Variants in RBM5 observed in about 807,000 individuals in gnomAD.
RBM5 encodes RNA-binding protein 5.
A neutral mutation model predicts 124.6 loss-of-function variants in RBM5; 15 were observed. That is an observed-to-expected ratio of 0.12 (90% CI 0.08 to 0.19). RBM5 has a LOEUF of 0.19. Among genes scored for constraint, RBM5 ranks in the 10% least tolerant of loss-of-function variants. RBM5 has a pLI of 1.00. For missense variants in RBM5, 580 were observed against 1,026.5 expected (o/e 0.57, Z 5.94); for synonymous variants, 337 against 361.2 (o/e 0.93, Z 0.76).
At position 50,106,330 on chromosome 3, in the gene RBM5, T is replaced by C. The variant is rs1256551602; in HGVS notation, c.856-437T>C. Among the ~76,000 whole-genome samples, 9 of 151,906 alleles carry C rather than the reference T, an allele frequency of 5.9e-5. 1 individual carries two copies. The highest frequency in any genetic ancestry group is 4.6e-4 in the Admixed American group (7 of 15,238). ...TAATTTTTTGTATTTTTAGTAGAGATGGGGTTTCACTGTGTTAGCCAGGAT... is the reference window on the plus strand; with the variant it reads ...TAATTTTTTGTATTTTTAGTAGAGACGGGGTTTCACTGTGTTAGCCAGGAT... On this transcript the variant is annotated intron_variant, in intron 10 of 24. Transcript: ENST00000347869.
intron 4 of RBM5, among the ~76,000 whole-genome samples, chr3:50,097,177 C>T (rs976940549): frequency 2.6e-5 from 4 of 152,104 alleles, no homozygotes; most frequent in Non-Finnish European, 5.9e-5. Context: ...AGGCGGATCA[C>T]AAGGTCAGGA....
intron 4 of RBM5, among the ~76,000 whole-genome samples, chr3:50,096,672 C>T (rs1575305262): frequency 6.9e-4 from 1 of 1,458 alleles, no homozygotes; most frequent in African/African-American, 3.0e-3. Context: ...TCACAGCAGC[C>T]TCCAACTTTT....
intron 3 of RBM5, among the ~76,000 whole-genome samples, chr3:50,093,339 T>C (rs773421580): frequency 3.3e-5 from 5 of 150,370 alleles, no homozygotes; most frequent in Non-Finnish European, 7.4e-5. Flanking sequence ...CTCGGGAGGC[T>C]GAAGGAGGAG....
intron 3 of RBM5, among the ~76,000 whole-genome samples, chr3:50,093,337 G>A (rs1378998680): frequency 6.6e-6 from 1 of 151,792 alleles, no homozygotes; most frequent in African/African-American, 2.4e-5. Flanking sequence ...TACTCGGGAG[G>A]CTGAAGGAGG....
Position 50,113,366 on chromosome 3 carries a change from TG to T in RBM5, c.1456-16del, listed in dbSNP as rs758097657. Reference sequence around the variant, plus strand: ...CAGAAAGTCTGCATTAATTGTTTTTTGTTTGTTGTTTTCTAGTACTACTATA... The same window carrying T: ...CAGAAAGTCTGCATTAATTGTTTTTTTTTGTTGTTTTCTAGTACTACTATA... On this transcript the variant is annotated splice_polypyrimidine_tract_variant and intron_variant, in intron 17 of 24. Transcript: ENST00000347869. 10 of 1,596,472 alleles carry T rather than the reference TG, an allele frequency of 6.3e-6. No homozygotes were observed. Among genetic ancestry groups the T allele is most frequent in the Non-Finnish European group, 8.5e-6 (10 of 1,173,706 alleles).
chr3:50,115,851 A>G (rs1164432337), intron 21 of RBM5, 55 bp from the exon 22 acceptor site: 1 of 1,488,178 alleles, frequency 6.7e-7, no homozygotes, highest in Non-Finnish European at 9.4e-7. Context: ...ATGTTAGGAC[A>G]TTTCAAATTA....
Position 50,100,021 on chromosome 3 carries a change from G to A in RBM5, c.379G>A (p.Ala127Thr). The change falls in exon 5 of 25, where the codon GCG (alanine) becomes ACG (threonine). Residue 127 changes from alanine (A) to threonine (T), a missense_variant. Around this residue, in one of 6 missense-constraint regions of RBM5, gnomAD observed 101 missense variants for 223.2 expected, o/e 0.45. Coordinates refer to ENST00000347869, the MANE Select transcript of RBM5 (RefSeq NM_005778.4). The surrounding 1 kb of genome is among the most constrained non-coding windows in gnomAD (Gnocchi z 5.1). Reference sequence around the variant, plus strand: ...GGAGTCCTTCGAAGGCCCTCAGCCTGCGGATGTGAGGCTGATGAAGAGGAA... The same window carrying A: ...GGAGTCCTTCGAAGGCCCTCAGCCTACGGATGTGAGGCTGATGAAGAGGAA... ...MMESFEGPQP[A>T]DVRLMKRKTG... is the part of the protein sequence containing the mutation. 2 of 1,613,982 alleles carry A rather than the reference G, an allele frequency of 1.2e-6. No individual in the cohort carries two copies. Among genetic ancestry groups the A allele is most frequent in the Non-Finnish European group, 1.7e-6 (2 of 1,179,988 alleles).
chr3:50,096,648 C>T (rs1036159348), intron 4 of RBM5, among the ~76,000 whole-genome samples: 1 of 137,544 alleles, frequency 7.3e-6, no homozygotes, highest in Non-Finnish European at 1.6e-5. Context: ...GGAGTGCAAT[C>T]GCGTGATTGT....
chr3:50,103,517 C>T (rs988616893), intron 7 of RBM5, among the ~76,000 whole-genome samples: 11 of 151,990 alleles, frequency 7.2e-5, no homozygotes, highest in Non-Finnish European at 1.2e-4. Flanking sequence ...CATCACGGTG[C>T]GCGCCTGTAA....
intron 18 of RBM5, 94 bp downstream of exon 18, chr3:50,113,638 T>C (rs967955173): frequency 5.5e-5 from 75 of 1,351,710 alleles, no homozygotes; most frequent in Non-Finnish European, 6.9e-5. Flanking sequence ...TTTGGATTCT[T>C]AAAAATTGGG....
rs2091275416 is a variant in RBM5 at position 50,117,436 on chromosome 3, T to C, written c.2322+57T>C. The C allele has an allele frequency of 1.9e-6, 3 of 1,605,902 alleles. No homozygotes were observed. Among genetic ancestry groups the C allele is most frequent in the Non-Finnish European group, 2.6e-6 (3 of 1,176,022 alleles). ...CAGGCTTACAGGCCGGTTCCAGAGA[T>C]GAGATCAGAGCACTCATAGAGCCTG... is the stretch of plus-strand genomic sequence containing the variant. On this transcript the variant is annotated intron_variant, in intron 24 of 24. Transcript: ENST00000347869. This position sits in a 1 kb window ranked among gnomAD's most constrained non-coding sequence, Gnocchi z 4.2.
intron 20 of RBM5, chr3:50,114,516 G>T: frequency 2.3e-6 from 1 of 428,740 alleles, no homozygotes; most frequent in Non-Finnish European, 4.1e-6. Context: ...GAGTTTTAAT[G>T]GTCTGGAAAG....
chr3:50,092,943 CTTTTTTTTTT>C (rs530934301), intron 3 of RBM5: 541 of 79,108 alleles, frequency 6.8e-3, no homozygotes, highest in African/African-American at 0.018. Flanking sequence ...CTTGATATAT[CTTTTTTTTTT>C]TTTTTTTTTT....
chr3:50,110,979 A>C (rs922016230), intron 17 of RBM5: 3 of 539,560 alleles, frequency 5.6e-6, no homozygotes, highest in African/African-American at 1.9e-5. Context: ...TATACACACA[A>C]AAAAATACAC....
chr3:50,106,942 G>C, intron 11 of RBM5, 78 bp downstream of exon 11: 1 of 1,209,066 alleles, frequency 8.3e-7, no homozygotes, highest in South Asian at 1.2e-5. Context: ...CGCCAAGCCT[G>C]TGCCCCAAGT....
At position 50,093,572 on chromosome 3, in the gene RBM5, TC is replaced by T. The variant is rs1360808434; in HGVS notation, c.184-147del. 19 of 750,442 alleles carry T rather than the reference TC, an allele frequency of 2.5e-5. No individual in the cohort carries two copies. The Admixed American group carries it at 5.2e-4, about 21-fold the overall frequency. 46.5% of individuals were successfully genotyped at this position (750,442 alleles called of 1,614,324 possible). A position where few individuals can be genotyped will look rare whatever the true frequency, so the allele number is the denominator to read the frequency against. Reference sequence around the variant, plus strand: ...TGGGTAACATAGTGAGACCCCTGTCTCAAAAAAAAAAAATTGCAGTGAACAT... The same window carrying T: ...TGGGTAACATAGTGAGACCCCTGTCTAAAAAAAAAAAATTGCAGTGAACAT... On this transcript the variant is annotated intron_variant, in intron 3 of 24. Coordinates refer to ENST00000347869, the MANE Select transcript of RBM5 (RefSeq NM_005778.4).
rs192003913 is a variant in RBM5 at position 50,112,370 on chromosome 3, C to T, written c.1456-1013C>T. 1.1e-4 allele frequency among the ~76,000 whole-genome samples: 15 copies of T among 140,146 alleles called. No individual in the cohort carries two copies. The East Asian group carries it at 2.1e-3, about 19-fold the overall frequency. 91.9% of individuals were successfully genotyped at this position (140,146 alleles called of 152,430 possible). The stretch of plus-strand genomic sequence containing the variant: ...GGTGGAGCTGGCAGTAAGCGAATGT[C>T]GCGCCACTGCACTCCAGCCTGGGTG... On this transcript the variant is annotated intron_variant, in intron 17 of 24. Transcript: ENST00000347869.
intron 14 of RBM5, among the ~76,000 whole-genome samples, chr3:50,108,900 C>G (rs1049171440): frequency 6.6e-6 from 1 of 152,122 alleles, no homozygotes; most frequent in Non-Finnish European, 1.5e-5. Context: ...TGAGTGCCCA[C>G]GTAAGTTCAG....
rs779554895 is a variant in RBM5 at position 50,114,025 on chromosome 3, G to A, written c.1693G>A (p.Val565Ile). 3.7e-6 allele frequency: 6 copies of A among 1,614,214 alleles called. No individual in the cohort carries two copies. The Admixed American group carries it at 8.3e-5, about 22-fold the overall frequency. Residue 565 changes from valine to isoleucine, a missense_variant, in exon 19 of 25, where the codon GTC (valine) becomes ATC (isoleucine). Physicochemically the swap from Val to Ile is conservative, Grantham distance 29. This residue lies in a region of RBM5 where 234 missense variants were observed against 435.1 expected (regional missense o/e 0.54). Coordinates refer to ENST00000347869, the MANE Select transcript of RBM5 (RefSeq NM_005778.4). ...KENFKNSFQP[V>I]NSLREEERRE... Reference sequence around the variant, plus strand: ...AAACTTTAAAAATAGCTTTCAGCCTGTCAATTCCTTGAGGGAAGAAGAAAG... The same window carrying A: ...AAACTTTAAAAATAGCTTTCAGCCTATCAATTCCTTGAGGGAAGAAGAAAG...
Sources: gnomAD v4.1 joint callset for allele counts (sites outside exome capture counted in the v4.1 genomes callset) on GRCh38, gnomAD v4.1.1 for gene constraint, gnomAD v4.1.1 regional missense constraint, Gnocchi (gnomAD v3.1) non-coding constraint, MANE v1.5 for transcripts, NCBI Gene and HGNC (gene_info 2026-07-23, HGNC 2026-07-21) for gene names.